ADGRA3: variants seen among roughly 807,000 people sequenced by gnomAD.
The protein encoded by ADGRA3 is adhesion G protein-coupled receptor A3, also known as G-protein coupled receptor 125.
A neutral mutation model predicts 119.8 loss-of-function variants in ADGRA3; 56 were observed. The ratio of observed to expected loss-of-function variants is 0.47; its 90% CI spans 0.38 to 0.58. The LOEUF (loss-of-function observed/expected upper bound fraction) is 0.58, where lower values mean the gene tolerates loss of function less well. Ranked by LOEUF, ADGRA3 falls within the 20% of genes least tolerant of loss-of-function variation. The pLI is 0.00. For synonymous variants in ADGRA3, 607 were observed against 623.8 expected (o/e 0.97, Z 0.40); for missense variants, 1,516 against 1,649.0 (o/e 0.92, Z 1.40).
chr4:22,413,712 G>A lies in ADGRA3; in HGVS notation c.1912C>T (p.Leu638Phe), dbSNP rs1483299979. The A allele has an allele frequency of 1.9e-6, 3 of 1,613,718 alleles. No homozygotes were observed. The highest frequency in any genetic ancestry group is 1.3e-5 in the African/African-American group (1 of 74,920). Residue 638 changes from leucine (L) to phenylalanine (F), a missense_variant, in exon 13 of 19, where the codon CTC becomes TTC. This residue lies in a region of ADGRA3 where 1,088 missense variants were observed against 1,107.1 expected (regional missense o/e 0.98). Transcript: ENST00000334304. ...PTDDSLYKLQ[L>F]IAFRNGKLFP... ...AGCTTTCCATTGCGGAATGCAATGA[G>A]TTGAAGCTTGTAAAGAGAGTCATCA... is the stretch of plus-strand genomic sequence containing the variant.
In ADGRA3 at chr4:22,389,147, A is replaced by G. The variant is rs765054551; in HGVS notation, c.2664T>C (p.Val888=). The part of the protein sequence containing the change: ...YLIGGGIPII[V]CGITAAANIK... ...TGTTCGCTGCTGCAGTTATGCCGCA[A>G]ACAATGATGGGGATACCACCACCAA... The change falls in exon 18 of 19, where the codon GTT becomes GTC. Residue 888 remains valine, a synonymous_variant. Transcript: ENST00000334304. 3.7e-6 allele frequency: 6 copies of G among 1,614,014 alleles called. No individual in the cohort carries two copies. The highest frequency in any genetic ancestry group is 5.1e-6 in the Non-Finnish European group (6 of 1,179,872).
rs192703636 is a variant in ADGRA3 at position 22,505,249 on chromosome 4, A to G, written c.257+10279T>C. Among the ~76,000 whole-genome samples the G allele has an allele frequency of 1.5e-4, 23 of 152,284 alleles. No individual in the cohort carries two copies. The East Asian group carries it at 3.7e-3, about 24-fold the overall frequency. On this transcript the variant is annotated intron_variant, in intron 1 of 18. Coordinates refer to ENST00000334304, the MANE Select transcript of ADGRA3 (RefSeq NM_145290.4). ...TTTGTGCCCAGCAGTGGGACATGGG[A>G]AAAAAAGCAATGATGGTCACAGAGC... is the stretch of plus-strand genomic sequence containing the variant.
chr4:22,432,662 A>T (rs1175013691), intron 10 of ADGRA3, among the ~76,000 whole-genome samples: 1 of 152,176 alleles, frequency 6.6e-6, no homozygotes, highest in Non-Finnish European at 1.5e-5. Flanking sequence ...TCATAAGAAA[A>T]ATCACTTTAG....
At chr4:22,389,711 TCA>T (rs1380991724) in intron 17 of ADGRA3, among the ~76,000 whole-genome samples, 1 of 152,064 alleles carries the variant, frequency 6.6e-6, no homozygotes, top group Non-Finnish European at 1.5e-5. Context: ...CCCAGCAGCT[TCA>T]CAGAGTGCAG....
intron 1 of ADGRA3, among the ~76,000 whole-genome samples, chr4:22,513,302 C>T (rs957314679): frequency 1.3e-5 from 2 of 151,510 alleles, no homozygotes; most frequent in African/African-American, 2.4e-5. Flanking sequence ...TACAGGTGCA[C>T]GCCACCACGC....
chr4:22,481,162 GT>G (rs1718248556), intron 1 of ADGRA3, among the ~76,000 whole-genome samples: 1 of 152,120 alleles, frequency 6.6e-6, no homozygotes, highest in South Asian at 2.1e-4. Context: ...CTACAACATT[GT>G]TTATCAAGTA....
At chr4:22,424,129 C>T (rs1715829539) in intron 11 of ADGRA3, 62 bp downstream of exon 11, 5 of 1,412,650 alleles carry the variant, frequency 3.5e-6, no homozygotes, top group South Asian at 1.6e-5. Flanking sequence ...CTATCTCTTT[C>T]GGGTGAGAGC....
At chr4:22,446,759 A>G (rs948893273) in intron 5 of ADGRA3, among the ~76,000 whole-genome samples, 1 of 152,180 alleles carries the variant, frequency 6.6e-6, no homozygotes, top group African/African-American at 2.4e-5. Context: ...CCCATAAATT[A>G]CTCACAATGA....
At chr4:22,450,698 A>T (rs1717003929) in intron 4 of ADGRA3, among the ~76,000 whole-genome samples, 1 of 152,128 alleles carries the variant, frequency 6.6e-6, no homozygotes, top group Non-Finnish European at 1.5e-5. Flanking sequence ...ATCAGGGCAG[A>T]TTTGGTAAAG....
chr4:22,459,033 C>T (rs1036198136), intron 3 of ADGRA3, among the ~76,000 whole-genome samples: 2 of 152,120 alleles, frequency 1.3e-5, no homozygotes, highest in African/African-American at 4.8e-5. Flanking sequence ...TCCTTTAACT[C>T]CTACCTTTCT....
intron 16 of ADGRA3, 158 bp from the exon 17 acceptor site, chr4:22,392,848 A>G (rs1714193701): frequency 1.7e-6 from 1 of 594,678 alleles, no homozygotes; most frequent in South Asian, 2.5e-5. Flanking sequence ...CTGTGTTCTA[A>G]TAGACATGTG....
chr4:22,410,968 A>G (rs1715175491), intron 14 of ADGRA3, among the ~76,000 whole-genome samples: 1 of 152,208 alleles, frequency 6.6e-6, no homozygotes, highest in Non-Finnish European at 1.5e-5. Flanking sequence ...CTGAAAGATA[A>G]AAGAATAGCT....
Position 22,430,124 on chromosome 4 carries a change from C to T in ADGRA3, c.1443+5187G>A, listed in dbSNP as rs1376813944. 3.9e-5 allele frequency among the ~76,000 whole-genome samples: 6 copies of T among 152,180 alleles called. No individual in the cohort carries two copies. The East Asian group carries it at 1.2e-3, about 29-fold the overall frequency. On this transcript the variant is annotated intron_variant, in intron 10 of 18. Transcript: ENST00000334304. Reference sequence around the variant, plus strand: ...CATGACCTCTGCCATGATTGTGAGGCCTCTCCAGCCATGTGGAACTTTAAG... The same window carrying T: ...CATGACCTCTGCCATGATTGTGAGGTCTCTCCAGCCATGTGGAACTTTAAG...
At chr4:22,412,699 C>T (rs1423544173) in intron 14 of ADGRA3, among the ~76,000 whole-genome samples, 1 of 152,108 alleles carries the variant, frequency 6.6e-6, no homozygotes, top group Admixed American at 6.5e-5. Context: ...TTCTTTGTGT[C>T]AATACTGTCA....
At chr4:22,466,471 A>C (rs967641319) in intron 2 of ADGRA3, among the ~76,000 whole-genome samples, 3 of 152,188 alleles carry the variant, frequency 2.0e-5, no homozygotes, top group African/African-American at 7.2e-5. Context: ...TCACGCCTAT[A>C]ATCCCAGCAC....
At chr4:22,425,560 A>G (rs1306520628) in intron 10 of ADGRA3, among the ~76,000 whole-genome samples, 2 of 152,152 alleles carry the variant, frequency 1.3e-5, no homozygotes, top group Non-Finnish European at 2.9e-5. Context: ...AGCAACAAAA[A>G]CATTCCAGAG....
intron 1 of ADGRA3, among the ~76,000 whole-genome samples, chr4:22,507,930 CTAAA>C (rs1354045097): frequency 6.6e-6 from 1 of 152,144 alleles, no homozygotes; most frequent in African/African-American, 2.4e-5. Flanking sequence ...ACCTAATAAA[CTAAA>C]TAAAGACATG....
chr4:22,426,506 G>T, intron 10 of ADGRA3, among the ~76,000 whole-genome samples: 1 of 152,184 alleles, frequency 6.6e-6, no homozygotes. Context: ...TTTATTGAGG[G>T]CCAATGTGAG....
intron 14 of ADGRA3, among the ~76,000 whole-genome samples, chr4:22,406,516 G>A (rs1714935165): frequency 6.6e-6 from 1 of 152,046 alleles, no homozygotes. Flanking sequence ...CTGGGGTAAG[G>A]TATCTTATTG....
Sources: allele counts gnomAD v4.1 joint callset (sites outside exome capture counted in the v4.1 genomes callset), GRCh38; gene constraint gnomAD v4.1.1; regional missense constraint gnomAD v4.1.1; transcripts MANE v1.5; gene names NCBI Gene and HGNC (gene_info 2026-07-23, HGNC 2026-07-21).